Variants in DENND2A observed in about 807,000 individuals in gnomAD.
DENND2A encodes the protein DENN domain containing 2A, also known as DENN domain-containing protein 2A.
In DENND2A, 53 loss-of-function variants were observed where a neutral mutation model predicts 105.3. The observed-to-expected ratio is 0.50, with a 90% CI of 0.40 to 0.63. The LOEUF is 0.63. Ranked by LOEUF, DENND2A falls within the 30% of genes least tolerant of loss-of-function variation. The pLI is 0.00. For synonymous variants in DENND2A, 522 were observed against 508.4 expected (o/e 1.03, Z -0.36); for missense variants, 1,138 against 1,279.6 (o/e 0.89, Z 1.69).
At chr7:140,569,617 G>T in intron 7 of DENND2A, 28 bp downstream of exon 7, 1 of 1,463,866 alleles carries the variant, frequency 6.8e-7, no homozygotes, top group Non-Finnish European at 9.6e-7. Flanking sequence ...GATTCTTGCG[G>T]GAGGAGGGCT....
rs764636820 is a variant in DENND2A at position 140,559,984 on chromosome 7, C to T, written c.1780-167G>A. ...CTCAGTCGGCTGGGGCATTTTCCCC[C>T]CAGTGCACTTCCAACTATAGACCTC... On this transcript the variant is annotated intron_variant, in intron 9 of 19. Transcript: ENST00000496613. The surrounding 1 kb of genome is among the most constrained non-coding windows in gnomAD (Gnocchi z 4.1). Among the ~76,000 whole-genome samples the T allele has an allele frequency of 8.5e-5, 13 of 152,056 alleles. No homozygotes were observed. Among genetic ancestry groups the T allele is most frequent in the Non-Finnish European group, 1.8e-4 (12 of 68,010 alleles).
Position 140,527,196 on chromosome 7 carries a change from C to T in DENND2A, c.2505+122G>A, listed in dbSNP as rs917222121. ...CCATGCCAGACAAAGCCCTGGTGCCCCCACGCCCTGCTCCCCAACACTGCT... is the reference window on the plus strand; with the variant it reads ...CCATGCCAGACAAAGCCCTGGTGCCTCCACGCCCTGCTCCCCAACACTGCT... On this transcript the variant is annotated intron_variant, in intron 15 of 19. Coordinates refer to ENST00000496613, the MANE Select transcript of DENND2A (RefSeq NM_015689.5). This position sits in a 1 kb window ranked among gnomAD's most constrained non-coding sequence, Gnocchi z 4.9. 1.2e-5 allele frequency: 14 copies of T among 1,121,828 alleles called. No individual in the cohort carries two copies. The East Asian group carries it at 3.2e-4, about 26-fold the overall frequency. 69.5% of individuals were successfully genotyped at this position (1,121,828 alleles called of 1,614,324 possible).
At chr7:140,583,753 C>T (rs1294174494) in intron 5 of DENND2A, among the ~76,000 whole-genome samples, 7 of 147,976 alleles carry the variant, frequency 4.7e-5, no homozygotes, top group East Asian at 2.0e-4. Flanking sequence ...GGTGAAACCC[C>T]GTCTCTACTA....
intron 11 of DENND2A, among the ~76,000 whole-genome samples, chr7:140,556,214 C>T (rs1401305980): frequency 6.6e-6 from 1 of 151,878 alleles, no homozygotes; most frequent in Middle Eastern, 3.2e-3. Flanking sequence ...GAAGGGGTTT[C>T]GCCATATTGG....
chr7:140,556,643 C>G (rs899198527), intron 11 of DENND2A, among the ~76,000 whole-genome samples: 7 of 152,176 alleles, frequency 4.6e-5, no homozygotes, highest in African/African-American at 1.7e-4. Flanking sequence ...CGACCTCAGT[C>G]TCAATACTTT....
In DENND2A at chr7:140,527,735, G is replaced by A. The variant is rs987036817; in HGVS notation, c.2328-240C>T. On this transcript the variant is annotated intron_variant, in intron 14 of 19. Coordinates refer to ENST00000496613, the MANE Select transcript of DENND2A (RefSeq NM_015689.5). The surrounding 1 kb of genome is among the most constrained non-coding windows in gnomAD (Gnocchi z 4.9). The stretch of plus-strand genomic sequence containing the variant: ...CGTCCTGGATAATTTTTACAAGTGC[G>A]TTTCCACATGTGAGCTGCACGCCCT... Among the ~76,000 whole-genome samples the A allele has an allele frequency of 1.3e-5, 2 of 152,230 alleles. No homozygotes were observed. Among genetic ancestry groups the A allele is most frequent in the African/African-American group, 2.4e-5 (1 of 41,552 alleles).
chr7:140,543,921 T>G (rs923481796), intron 14 of DENND2A: 2 of 148,436 alleles, frequency 1.3e-5, no homozygotes, highest in African/African-American at 5.1e-5. Context: ...AGATGGAATG[T>G]CATTCTGTTG....
chr7:140,561,354 AT>A (rs1459785034), intron 9 of DENND2A, among the ~76,000 whole-genome samples: 14 of 152,296 alleles, frequency 9.2e-5, no homozygotes, highest in Non-Finnish European at 1.9e-4. Flanking sequence ...AATTTCCTTT[AT>A]AAAAAGTTAA....
rs112251962 is a variant in DENND2A at position 140,519,565 on chromosome 7, C to G, written c.2998+67G>C. 2,729 of 1,445,730 alleles carry G rather than the reference C, an allele frequency of 1.9e-3. 41 individuals carry two copies. The African/African-American group carries it at 0.034, about 18-fold the overall frequency. The allele number at this position is 1,445,730 out of a possible 1,614,324, so 89.6% of individuals were successfully genotyped here. A position where few individuals can be genotyped will look rare whatever the true frequency, so the allele number is the denominator to read the frequency against. On this transcript the variant is annotated intron_variant, in intron 19 of 19. Coordinates refer to ENST00000496613, the MANE Select transcript of DENND2A (RefSeq NM_015689.5). The stretch of plus-strand genomic sequence containing the variant: ...GGGCGCTGGCTCCAGTGGAGGGAAC[C>G]GGCTGGGACTCCGAGACAGACAGCT...
chr7:140,601,831 G>A lies in DENND2A; in HGVS notation c.567C>T (p.His189=). 1 of 1,614,190 alleles carries A rather than the reference G, an allele frequency of 6.2e-7. No homozygotes were observed. Among genetic ancestry groups the A allele is most frequent in the Non-Finnish European group, 8.5e-7 (1 of 1,180,030 alleles). The change falls in exon 3 of 20, where the codon CAC becomes CAT. Residue 189 remains histidine, a synonymous_variant. Coordinates refer to ENST00000496613, the MANE Select transcript of DENND2A (RefSeq NM_015689.5). ...CTGCCTCTGCCTTGTCAGGAGGGCA[G>A]TGTGGGGAGTAACAAGTCCCTGGTA... ...PQLPGTCYSP[H]CPPDKAEAGS...
At chr7:140,627,816 C>T (rs1800591479) in intron 1 of DENND2A, among the ~76,000 whole-genome samples, 1 of 151,926 alleles carries the variant, frequency 6.6e-6, no homozygotes, top group Non-Finnish European at 1.5e-5. Context: ...TGTAAGCCAC[C>T]ATGCCCAGCA....
chr7:140,533,041 G>A (rs949025922), intron 14 of DENND2A, among the ~76,000 whole-genome samples: 37 of 141,334 alleles, frequency 2.6e-4, no homozygotes, highest in African/African-American at 9.4e-4. Flanking sequence ...TGCCAGGCTG[G>A]AGTGCGGTGG....
At chr7:140,626,587 C>G (rs1471790283) in intron 1 of DENND2A, among the ~76,000 whole-genome samples, 1 of 152,200 alleles carries the variant, frequency 6.6e-6, no homozygotes, top group Non-Finnish European at 1.5e-5. Context: ...CCCTCTCCAG[C>G]TGTGCTACCC....
chr7:140,522,089 T>C lies in DENND2A; in HGVS notation c.2677A>G (p.Ser893Gly), dbSNP rs765072383. The C allele has an allele frequency of 5.0e-6, 8 of 1,614,010 alleles. 1 individual carries two copies. The South Asian group carries it at 8.8e-5, about 18-fold the overall frequency. The part of the protein sequence containing the change: ...PLDGRHGPES[S>G]PLNEVVSEAF... ...TCAGACACCACCTCGTTCAAGGGGC[T>C]GGACTCTGGACCTGAGTAAGGGGAG... The change falls in exon 18 of 20, where the codon AGC becomes GGC. Residue 893 changes from serine to glycine, a missense_variant. Physicochemically the swap from Ser to Gly is moderately conservative, Grantham distance 56. Coordinates refer to ENST00000496613, the MANE Select transcript of DENND2A (RefSeq NM_015689.5).
chr7:140,555,441 C>G (rs561157280), intron 12 of DENND2A, among the ~76,000 whole-genome samples, 195 bp downstream of exon 12: 2 of 152,022 alleles, frequency 1.3e-5, no homozygotes, highest in Non-Finnish European at 2.9e-5. Context: ...GCCACCACAC[C>G]GGGCCTATCA....
chr7:140,555,065 C>T (rs1367055069), intron 12 of DENND2A, among the ~76,000 whole-genome samples: 1 of 151,940 alleles, frequency 6.6e-6, no homozygotes, highest in African/African-American at 2.4e-5. Flanking sequence ...CCACCCCTCC[C>T]TTTCTCAACT....
chr7:140,619,397 G>A (rs1362108909), intron 1 of DENND2A, among the ~76,000 whole-genome samples: 1 of 152,160 alleles, frequency 6.6e-6, no homozygotes, highest in African/African-American at 2.4e-5. Context: ...AATAAGGAGT[G>A]ACTGCTGACA....
intron 1 of DENND2A, among the ~76,000 whole-genome samples, chr7:140,613,929 G>A (rs562299200): frequency 5.6e-4 from 85 of 152,090 alleles, no homozygotes; most frequent in Non-Finnish European, 1.1e-3. Flanking sequence ...TGGAAAATGT[G>A]GATTCACTGA....
intron 4 of DENND2A, 77 bp downstream of exon 4, chr7:140,587,576 C>CCAG (rs1798835032): frequency 6.3e-7 from 1 of 1,592,318 alleles, no homozygotes; most frequent in South Asian, 1.1e-5. Context: ...ACGTGTGTTT[C>CCAG]CAGCAGCCAG....
Sources: allele counts gnomAD v4.1 joint callset (sites outside exome capture counted in the v4.1 genomes callset), GRCh38; gene constraint gnomAD v4.1.1; non-coding constraint Gnocchi (gnomAD v3.1); transcripts MANE v1.5; gene names NCBI Gene and HGNC (gene_info 2026-07-23, HGNC 2026-07-21).